MAST4: variants seen among roughly 807,000 people sequenced by gnomAD.
MAST4 encodes the protein microtubule associated serine/threonine kinase family member 4.
MAST4 carries 89 observed loss-of-function variants against 162.7 expected under a neutral mutation model. That is an observed-to-expected ratio of 0.55 (90% CI 0.46 to 0.65). The LOEUF (loss-of-function observed/expected upper bound fraction) is 0.65, where lower values mean the gene tolerates loss of function less well. Among genes scored for constraint, MAST4 ranks in the 30% least tolerant of loss-of-function variants. MAST4 has a pLI of 0.00. For missense variants in MAST4, 3,153 were observed against 3,374.0 expected (o/e 0.93, Z 1.62); for synonymous variants, 1,479 against 1,361.1 (o/e 1.09, Z -1.91).
At chr5:67,153,001 C>G (rs1322272744) in intron 25 of MAST4, 135 bp downstream of exon 25, 1 of 714,596 alleles carries the variant, frequency 1.4e-6, no homozygotes, top group East Asian at 2.7e-5. Context: ...CCTTTTAGAG[C>G]TCCATCCCTG....
intron 4 of MAST4, among the ~76,000 whole-genome samples, chr5:66,981,785 T>C (rs1748875795): frequency 6.6e-6 from 1 of 152,170 alleles, no homozygotes; most frequent in Non-Finnish European, 1.5e-5. Context: ...TTCTGAGGGC[T>C]GTAAAGTAGT....
intron 1 of MAST4, among the ~76,000 whole-genome samples, chr5:66,672,920 G>T (rs929002285): frequency 1.3e-5 from 2 of 152,104 alleles, no homozygotes; most frequent in Non-Finnish European, 1.5e-5. Flanking sequence ...CTTACATGAG[G>T]GGTTCCCTGT....
intron 4 of MAST4, among the ~76,000 whole-genome samples, chr5:66,977,620 T>C (rs1047449655): frequency 3.3e-5 from 5 of 152,190 alleles, no homozygotes; most frequent in East Asian, 3.8e-4. Flanking sequence ...TAATAGCTTC[T>C]TGGGCATGAG....
At chr5:66,712,727 A>G (rs530611186) in intron 1 of MAST4, among the ~76,000 whole-genome samples, 51 of 152,320 alleles carry the variant, frequency 3.3e-4, no homozygotes, top group African/African-American at 1.2e-3. Flanking sequence ...TTGCCGAAAA[A>G]GTAATGAGAA....
intron 5 of MAST4, among the ~76,000 whole-genome samples, chr5:67,077,646 T>A (rs887570239): frequency 6.6e-6 from 1 of 152,244 alleles, no homozygotes; most frequent in African/African-American, 2.4e-5. Context: ...TAAGTGTGTC[T>A]TGCTTAAATC....
chr5:66,981,655 T>C (rs1053923512), intron 4 of MAST4, among the ~76,000 whole-genome samples: 4 of 152,190 alleles, frequency 2.6e-5, no homozygotes, highest in Non-Finnish European at 5.9e-5. Flanking sequence ...GAACATGAAT[T>C]TCATAGCCCT....
intron 3 of MAST4, among the ~76,000 whole-genome samples, chr5:66,884,736 GAA>G (rs982672522): frequency 3.9e-5 from 6 of 152,092 alleles, no homozygotes; most frequent in Admixed American, 3.9e-4. Context: ...CCCCTCAAAT[GAA>G]AAAAGACGGC....
Position 67,136,625 on chromosome 5 carries a change from T to G in MAST4, c.2455T>G (p.Leu819Val). 6.2e-7 allele frequency: 1 copy of G among 1,605,546 alleles called. No homozygotes were observed. The highest frequency in any genetic ancestry group is 8.5e-7 in the Non-Finnish European group (1 of 1,175,874). Reference protein sequence around the residue: ...PPPDAQDLITLLLRQNPLERL... With the variant: ...PPPDAQDLITVLLRQNPLERL... ...ACCTGATGCCCAGGATCTGATTACC[T>G]TACTCCTCAGGCAGAATCCCCTGGA... The change falls in exon 19 of 29, where the codon TTA becomes GTA. Residue 819 changes from leucine to valine, a missense_variant. Physicochemically the swap from Leu to Val is conservative, Grantham distance 32 (BLOSUM62 1). Transcript: ENST00000403625.
At chr5:67,057,929 T>A (rs1347384224) in intron 5 of MAST4, among the ~76,000 whole-genome samples, 1 of 146,260 alleles carries the variant, frequency 6.8e-6, no homozygotes, top group Non-Finnish European at 1.5e-5. Flanking sequence ...AAATGATATG[T>A]CATTGCAATT....
intron 4 of MAST4, among the ~76,000 whole-genome samples, chr5:66,951,038 C>T (rs1744618036): frequency 6.6e-6 from 1 of 152,118 alleles, no homozygotes; most frequent in Non-Finnish European, 1.5e-5. Flanking sequence ...TGTACTTAGC[C>T]ATTTTACTAT....
chr5:66,883,719 G>A (rs191458704), intron 3 of MAST4, among the ~76,000 whole-genome samples: 60 of 152,218 alleles, frequency 3.9e-4, no homozygotes, highest in African/African-American at 1.2e-3. Context: ...GAGCCACCGC[G>A]CCCGGCTTTT....
At chr5:66,718,269 T>G (rs1221779099) in intron 1 of MAST4, among the ~76,000 whole-genome samples, 47 of 152,180 alleles carry the variant, frequency 3.1e-4, no homozygotes, top group African/African-American at 1.0e-3. Flanking sequence ...TTTTTTGTTT[T>G]TTTGTTTTCA....
intron 4 of MAST4, among the ~76,000 whole-genome samples, chr5:67,003,338 T>C (rs916425706): frequency 2.0e-5 from 3 of 152,158 alleles, no homozygotes; most frequent in Non-Finnish European, 2.9e-5. Flanking sequence ...TACGAAAGCC[T>C]TGGACATGAA....
chr5:66,904,066 A>G (rs530554288), intron 4 of MAST4, among the ~76,000 whole-genome samples: 33 of 152,352 alleles, frequency 2.2e-4, no homozygotes, highest in African/African-American at 7.7e-4. Flanking sequence ...TATTTATGAA[A>G]GTGCCATTAT....
At chr5:66,741,418 A>T (rs1270697804) in intron 1 of MAST4, among the ~76,000 whole-genome samples, 2 of 152,184 alleles carry the variant, frequency 1.3e-5, no homozygotes, top group Non-Finnish European at 2.9e-5. Context: ...CCTGTTCTAT[A>T]AAGGGCCAGA....
chr5:67,110,071 A>G, intron 10 of MAST4, 27 bp from the exon 11 acceptor site: 4 of 1,525,364 alleles, frequency 2.6e-6, no homozygotes, highest in Non-Finnish European at 3.6e-6. Context: ...ACTCTGCATC[A>G]TCACTCTCTT....
chr5:67,066,582 A>G (rs1760263798), intron 5 of MAST4, among the ~76,000 whole-genome samples: 1 of 152,074 alleles, frequency 6.6e-6, no homozygotes, highest in Non-Finnish European at 1.5e-5. Context: ...AAGATACAAA[A>G]TATTCTATTT....
intron 2 of MAST4, among the ~76,000 whole-genome samples, chr5:66,777,691 T>C (rs571639175): frequency 2.7e-3 from 410 of 152,168 alleles, no homozygotes; most frequent in Non-Finnish European, 4.1e-3. Flanking sequence ...AGTCAGACTG[T>C]GATGGGGAAG....
intron 3 of MAST4, among the ~76,000 whole-genome samples, chr5:66,886,153 C>T (rs1364977688): frequency 2.0e-5 from 3 of 152,186 alleles, no homozygotes; most frequent in African/African-American, 7.2e-5. Context: ...TGAAGCTCTG[C>T]CACCTCAACA....
Sources: allele counts gnomAD v4.1 joint callset (sites outside exome capture counted in the v4.1 genomes callset), GRCh38; gene constraint gnomAD v4.1.1; transcripts MANE v1.5; gene names NCBI Gene and HGNC (gene_info 2026-07-23, HGNC 2026-07-21).